Variants in ITGA9 observed in about 807,000 individuals in gnomAD.
ITGA9 encodes integrin subunit alpha 9.
ITGA9 carries 56 observed loss-of-function variants against 127.8 expected under a neutral mutation model. The ratio of observed to expected loss-of-function variants is 0.44; its 90% CI spans 0.35 to 0.55. ITGA9 has a LOEUF of 0.55. Among genes scored for constraint, ITGA9 ranks in the 20% least tolerant of loss-of-function variants. The pLI, the probability that ITGA9 is intolerant of heterozygous loss-of-function variation, is 0.00. For synonymous variants in ITGA9, 508 were observed against 514.5 expected (o/e 0.99, Z 0.17); for missense variants, 1,196 against 1,347.1 (o/e 0.89, Z 1.76).
At chr3:37,760,253 ACTCTGT>A (rs934052176) in intron 23 of ITGA9, among the ~76,000 whole-genome samples, 5 of 150,484 alleles carry the variant, frequency 3.3e-5, no homozygotes, top group Admixed American at 2.7e-4. Context: ...AAAGAGTGAG[ACTCTGT>A]CTCAATTTAA....
chr3:37,784,905 GCCCAGT>G, intron 25 of ITGA9, 66 bp from the exon 26 acceptor site: 1 of 1,262,968 alleles, frequency 7.9e-7, no homozygotes, highest in Non-Finnish European at 1.2e-6. Flanking sequence ...TTTCAGTTCT[GCCCAGT>G]CCCTCTCAAG....
At chr3:37,477,055 A>G (rs1384266794) in intron 3 of ITGA9, among the ~76,000 whole-genome samples, 1 of 152,226 alleles carries the variant, frequency 6.6e-6, no homozygotes, top group Non-Finnish European at 1.5e-5. Flanking sequence ...AAAACAAGAT[A>G]CAGTGAGTGT....
intron 23 of ITGA9, among the ~76,000 whole-genome samples, chr3:37,770,917 T>G (rs1274679854): frequency 6.6e-6 from 1 of 152,136 alleles, no homozygotes; most frequent in Non-Finnish European, 1.5e-5. Context: ...CACAATGTCC[T>G]CTTTGGGGTA....
chr3:37,651,969 C>T (rs1700433071), intron 16 of ITGA9, among the ~76,000 whole-genome samples: 1 of 152,174 alleles, frequency 6.6e-6, no homozygotes, highest in South Asian at 2.1e-4. Flanking sequence ...CCATCTCCAC[C>T]TCCACCTCTA....
chr3:37,749,699 CAA>C (rs754586736), intron 22 of ITGA9: 8 of 152,208 alleles, frequency 5.3e-5, no homozygotes, highest in Non-Finnish European at 8.8e-5. Context: ...CTAGGGAAAA[CAA>C]GAGAGGCAAA....
At chr3:37,636,388 A>T (rs1700278924) in intron 16 of ITGA9, among the ~76,000 whole-genome samples, 1 of 152,202 alleles carries the variant, frequency 6.6e-6, no homozygotes, top group Non-Finnish European at 1.5e-5. Context: ...GCCACTGATG[A>T]TGAGCATTTC....
At chr3:37,681,704 G>T (rs113792622) in intron 17 of ITGA9, among the ~76,000 whole-genome samples, 6 of 152,042 alleles carry the variant, frequency 3.9e-5, no homozygotes, top group South Asian at 4.2e-4. Context: ...TTCAAAGGTC[G>T]CATCACACAA....
At chr3:37,469,056 A>G (rs56279046) in intron 1 of ITGA9, among the ~76,000 whole-genome samples, 13,130 of 152,266 alleles carry the variant, frequency 0.086, 597 homozygotes, top group Middle Eastern at 0.099. Flanking sequence ...GAAACAATGC[A>G]TAAAACTGTA....
chr3:37,647,791 C>A (rs1700393119), intron 16 of ITGA9, among the ~76,000 whole-genome samples: 1 of 152,020 alleles, frequency 6.6e-6, no homozygotes, highest in South Asian at 2.1e-4. Flanking sequence ...TCCATGTTAT[C>A]AAAAATGGCA....
chr3:37,664,804 T>A (rs1011023733), intron 17 of ITGA9, among the ~76,000 whole-genome samples: 3 of 152,064 alleles, frequency 2.0e-5, no homozygotes, highest in African/African-American at 7.2e-5. Context: ...TTTCCTAAAA[T>A]GTAATATCAT....
intron 18 of ITGA9, among the ~76,000 whole-genome samples, chr3:37,713,383 A>C (rs763863856): frequency 1.4e-4 from 21 of 152,156 alleles, no homozygotes; most frequent in Non-Finnish European, 1.9e-4. Context: ...CTGAGGCCAC[A>C]CAAAGTTGGC....
chr3:37,657,041 C>T (rs910053281), intron 17 of ITGA9, among the ~76,000 whole-genome samples: 17 of 151,902 alleles, frequency 1.1e-4, no homozygotes, highest in Admixed American at 5.2e-4. Flanking sequence ...GGGATGAAGC[C>T]GACTTGATTG....
chr3:37,474,201 A>C (rs1698467058), intron 3 of ITGA9, among the ~76,000 whole-genome samples: 1 of 152,192 alleles, frequency 6.6e-6, no homozygotes, highest in South Asian at 2.1e-4. Flanking sequence ...TTTGCATTTG[A>C]GACTCCTGAG....
intron 5 of ITGA9, among the ~76,000 whole-genome samples, chr3:37,496,814 C>T (rs1007802404): frequency 1.5e-4 from 23 of 152,318 alleles, no homozygotes; most frequent in African/African-American, 5.1e-4. Context: ...GGTGGCATTG[C>T]ACTGGAGATC....
Position 37,604,704 on chromosome 3 carries a change from A to G in ITGA9, c.1690-24483A>G, listed in dbSNP as rs562389048. 3.0e-3 allele frequency among the ~76,000 whole-genome samples: 464 copies of G among 152,290 alleles called. 1 individual carries two copies. Among genetic ancestry groups the G allele is most frequent in the African/African-American group, 0.011 (450 of 41,562 alleles). On this transcript the variant is annotated intron_variant, in intron 15 of 27. Coordinates refer to ENST00000264741, the MANE Select transcript of ITGA9 (RefSeq NM_002207.3). ...TGTCGAACAGGAACCCAAAGGATGT[A>G]GTTTTTGGCAGATGTCCTTTGTAGG...
At chr3:37,772,307 G>C (rs2685095) in intron 23 of ITGA9, among the ~76,000 whole-genome samples, 149,513 of 152,156 alleles carry the variant, frequency 0.98, 73,513 homozygotes, top group Middle Eastern at 1. Context: ...ACTGGGGAGG[G>C]TGAGGCAGGA....
At chr3:37,757,810 A>G (rs1187998854) in intron 23 of ITGA9, among the ~76,000 whole-genome samples, 2 of 151,842 alleles carry the variant, frequency 1.3e-5, no homozygotes, top group Non-Finnish European at 2.9e-5. Flanking sequence ...ACCGACCCAG[A>G]TAGCTATATA....
At chr3:37,558,153 G>T (rs1373060352) in intron 15 of ITGA9, among the ~76,000 whole-genome samples, 1 of 152,164 alleles carries the variant, frequency 6.6e-6, no homozygotes, top group Non-Finnish European at 1.5e-5. Flanking sequence ...GTGAGTCCAG[G>T]GCAGGCAGGA....
chr3:37,676,523 A>C, intron 17 of ITGA9, among the ~76,000 whole-genome samples: 1 of 152,340 alleles, frequency 6.6e-6, no homozygotes, highest in East Asian at 1.9e-4. Context: ...GGCCTGCAGA[A>C]AAAAGCCCTC....
Sources: gnomAD v4.1 joint callset for allele counts (sites outside exome capture counted in the v4.1 genomes callset) on GRCh38, gnomAD v4.1.1 for gene constraint, MANE v1.5 for transcripts, NCBI Gene and HGNC (gene_info 2026-07-23, HGNC 2026-07-21) for gene names.